The following ULK2 variants were observed in gnomAD, a reference collection of about 807,000 sequenced individuals.
ULK2 encodes unc-51 like autophagy activating kinase 2.
In ULK2, 76 loss-of-function variants were observed where a neutral mutation model predicts 127.5. That is an observed-to-expected ratio of 0.60 (90% CI 0.50 to 0.72). The LOEUF (loss-of-function observed/expected upper bound fraction) is 0.72, where lower values mean the gene tolerates loss of function less well. ULK2 is among the 30% of genes least tolerant of loss of function. The pLI, the probability that ULK2 is intolerant of heterozygous loss-of-function variation, is 0.00. For synonymous variants in ULK2, 452 were observed against 461.9 expected, an observed-to-expected ratio of 0.98 and a Z score of 0.28; for missense variants, 1,144 against 1,295.9, an observed-to-expected ratio of 0.88 and a Z score of 1.80.
At chr17:19,831,661 C>T (rs2041446491) in intron 10 of ULK2, among the ~76,000 whole-genome samples, 1 of 151,952 alleles carries the variant, frequency 6.6e-6, no homozygotes, top group Non-Finnish European at 1.5e-5. Context: ...CCCGTCTCTA[C>T]TAAAAACACA....
intron 9 of ULK2, 127 bp downstream of exon 9, chr17:19,841,362 G>GT (rs2041750769): frequency 1.1e-6 from 1 of 918,982 alleles, no homozygotes; most frequent in Non-Finnish European, 1.6e-6. Flanking sequence ...CTAATTTGTT[G>GT]TAACAAATGC....
chr17:19,804,764 C>G lies in ULK2; in HGVS notation c.1224G>C (p.Arg408Ser), dbSNP rs138826045. Residue 408 changes from arginine (R) to serine (S), a missense_variant, in exon 15 of 27, where the codon AGG becomes AGC. Physicochemically the swap from Arg to Ser is moderately radical, Grantham distance 110 (BLOSUM62 -1). Transcript: ENST00000395544. ...GATTCTGCTCTATGCGCTGATAATT[C>G]CTTATTTGAGTAGGAACTGGAATTG... Reference protein sequence around the residue: ...TAPIPVPTQIRNYQRIEQNLT... With the variant: ...TAPIPVPTQISNYQRIEQNLT... 2.8e-5 allele frequency: 45 copies of G among 1,612,698 alleles called. No homozygotes were observed. The highest frequency in any genetic ancestry group is 3.7e-5 in the Non-Finnish European group (44 of 1,179,326).
chr17:19,829,315 C>T (rs1458892160), intron 10 of ULK2, among the ~76,000 whole-genome samples: 1 of 151,896 alleles, frequency 6.6e-6, no homozygotes, highest in African/African-American at 2.4e-5. Context: ...GTGGGTGGAT[C>T]GTTTGAGTTC....
intron 25 of ULK2, among the ~76,000 whole-genome samples, chr17:19,779,550 A>G (rs1051701677): frequency 9.2e-5 from 14 of 151,688 alleles, no homozygotes; most frequent in South Asian, 2.1e-4. Flanking sequence ...AAAAAAAAAA[A>G]AAAAGAAAAA....
intron 12 of ULK2, among the ~76,000 whole-genome samples, chr17:19,821,172 T>C (rs1404437989): frequency 1.3e-5 from 2 of 152,116 alleles, no homozygotes; most frequent in Non-Finnish European, 2.9e-5. Flanking sequence ...CCAGAAGTGG[T>C]GGCACATGCC....
intron 20 of ULK2, among the ~76,000 whole-genome samples, chr17:19,791,880 C>T (rs1403823831): frequency 6.8e-6 from 1 of 145,992 alleles, no homozygotes; most frequent in Non-Finnish European, 1.5e-5. Flanking sequence ...GAAATAATAT[C>T]AAGCTTCTTC....
chr17:19,802,082 C>T (rs1384710163), intron 15 of ULK2, among the ~76,000 whole-genome samples, 160 bp from the exon 16 acceptor site: 2 of 152,092 alleles, frequency 1.3e-5, no homozygotes, highest in African/African-American at 2.4e-5. Flanking sequence ...GTGAGGTCTC[C>T]CTCTCATTTT....
intron 13 of ULK2, chr17:19,816,343 T>C (rs998090915): frequency 2.0e-5 from 3 of 152,628 alleles, no homozygotes; most frequent in African/African-American, 7.2e-5. Context: ...CATATATTTA[T>C]GAAGTTCATT....
intron 10 of ULK2, among the ~76,000 whole-genome samples, chr17:19,836,458 T>A (rs1022913502): frequency 6.6e-6 from 1 of 151,472 alleles, no homozygotes; most frequent in Non-Finnish European, 1.5e-5. Context: ...GATGGGCACT[T>A]GTAATCCCAG....
chr17:19,827,023 G>A (rs58485196), intron 10 of ULK2, among the ~76,000 whole-genome samples: 1 of 151,376 alleles, frequency 6.6e-6, no homozygotes, highest in South Asian at 2.1e-4. Flanking sequence ...CTCCATAATA[G>A]TTGTTTCACT....
intron 20 of ULK2, 102 bp from the exon 21 acceptor site, chr17:19,786,188 G>T (rs62068088): frequency 3.5e-6 from 4 of 1,147,580 alleles, no homozygotes; most frequent in South Asian, 1.7e-5. Context: ...GGAGTCTAGT[G>T]GTTTTTTTTT....
Position 19,785,977 on chromosome 17 carries a change from G to C in ULK2, c.2211C>G (p.Pro737=), listed in dbSNP as rs144159037. The change falls in exon 21 of 27, where the codon CCC becomes CCG. Residue 737 remains proline (P), a synonymous_variant. Transcript: ENST00000395544. ...TTCGAAGGAACATGTGGGTACAAGTGGGGGCTGCCGCACTGTGTGGAGGAG... is the reference window on the plus strand; with the variant it reads ...TTCGAAGGAACATGTGGGTACAAGTCGGGGCTGCCGCACTGTGTGGAGGAG... ...VGSPPHSAAA[P]TCTHMFLRTR... is the part of the protein sequence containing the mutation. The C allele has an allele frequency of 5.6e-5, 89 of 1,596,256 alleles. 1 individual carries two copies. The African/African-American group carries it at 1.1e-3, about 20-fold the overall frequency.
At chr17:19,810,257 ACCAG>A (rs2152388455) in intron 14 of ULK2, 117 bp downstream of exon 14, 1 of 406,278 alleles carries the variant, frequency 2.5e-6, no homozygotes. Flanking sequence ...AAAAAAAAAA[ACCAG>A]AAATAATGGA....
At chr17:19,843,533 T>C (rs1414064641) in intron 7 of ULK2, among the ~76,000 whole-genome samples, 1 of 151,700 alleles carries the variant, frequency 6.6e-6, no homozygotes, top group Non-Finnish European at 1.5e-5. Context: ...ATACACACCA[T>C]AGGACATGGT....
chr17:19,784,019 A>C, intron 21 of ULK2, 114 bp from the exon 22 acceptor site: 1 of 874,208 alleles, frequency 1.1e-6, no homozygotes, highest in Non-Finnish European at 1.5e-6. Context: ...TTTCGTTAAA[A>C]GAAACTCACT....
At chr17:19,866,394 G>A (rs1050369031) in intron 1 of ULK2, among the ~76,000 whole-genome samples, 1 of 151,882 alleles carries the variant, frequency 6.6e-6, no homozygotes, top group African/African-American at 2.4e-5. Flanking sequence ...TGTAATCCCA[G>A]CTACTCAGGA....
chr17:19,812,361 T>A (rs1031239900), intron 13 of ULK2, among the ~76,000 whole-genome samples: 11 of 152,250 alleles, frequency 7.2e-5, no homozygotes, highest in African/African-American at 2.2e-4. Context: ...CATTTTACTA[T>A]ATATAGATGC....
intron 14 of ULK2, among the ~76,000 whole-genome samples, chr17:19,809,732 C>CAAA (rs369486144): frequency 0.051 from 4,566 of 88,926 alleles, 274 homozygotes; most frequent in African/African-American, 0.057. Context: ...GACTCCGTCT[C>CAAA]AAAAAAAAAA....
Position 19,771,739 on chromosome 17 carries a change from C to T in ULK2, c.*4610G>A, listed in dbSNP as rs2086739026. 1.3e-5 allele frequency: 2 copies of T among 152,270 alleles called. No homozygotes were observed. The highest frequency in any genetic ancestry group is 2.9e-5 in the Non-Finnish European group (2 of 68,070). 9.4% of individuals were successfully genotyped at this position (152,270 alleles called of 1,614,324 possible). A position where few individuals can be genotyped will look rare whatever the true frequency, so the allele number is the denominator to read the frequency against. ...ACTTGCCAAAGAACACACAACTGCA[C>T]ATGGTGGAGCTGGAATTTGAGACCA... On this transcript the variant is annotated 3_prime_UTR_variant, in exon 27 of 27. Coordinates refer to ENST00000395544, the MANE Select transcript of ULK2 (RefSeq NM_014683.4).
Sources: allele counts gnomAD v4.1 joint callset (sites outside exome capture counted in the v4.1 genomes callset), GRCh38; gene constraint gnomAD v4.1.1; transcripts MANE v1.5; gene names NCBI Gene and HGNC (gene_info 2026-07-23, HGNC 2026-07-21).